CNTNAP2: variants seen among roughly 807,000 people sequenced by gnomAD.
CNTNAP2 encodes contactin-associated protein-like 2.
CNTNAP2 carries 98 observed loss-of-function variants against 155.2 expected under a neutral mutation model. The observed-to-expected ratio is 0.63, with a 90% confidence interval of 0.54 to 0.75. CNTNAP2 has a LOEUF of 0.75. CNTNAP2 is among the 30% of genes least tolerant of loss of function. The probability of loss-of-function intolerance (pLI) is 0.00; values close to 1 mark genes in which losing one functional copy is unlikely to be tolerated. For missense variants in CNTNAP2, 1,727 were observed against 1,688.1 expected (o/e 1.02, Z -0.40); for synonymous variants, 651 against 631.2 (o/e 1.03, Z -0.47).
intron 1 of CNTNAP2, among the ~76,000 whole-genome samples, chr7:146,603,776 A>T (rs1798992131): frequency 6.6e-6 from 1 of 150,822 alleles, no homozygotes; most frequent in African/African-American, 2.4e-5. Flanking sequence ...CCACATAACT[A>T]CAACTATCTG....
chr7:147,368,011 TCTC>T (rs1241374583), intron 9 of CNTNAP2, among the ~76,000 whole-genome samples: 2 of 81,344 alleles, frequency 2.5e-5, no homozygotes, highest in Admixed American at 1.5e-4. Context: ...TGTCTCTCTC[TCTC>T]CCCCCCCTCC....
chr7:147,373,962 A>G (rs1193312514), intron 9 of CNTNAP2, among the ~76,000 whole-genome samples: 1 of 152,066 alleles, frequency 6.6e-6, no homozygotes, highest in Admixed American at 6.6e-5. Context: ...TTATCAGGAA[A>G]AAAAAAGCAA....
chr7:147,579,905 C>A (rs1800466577), intron 12 of CNTNAP2, among the ~76,000 whole-genome samples: 1 of 152,156 alleles, frequency 6.6e-6, no homozygotes, highest in Non-Finnish European at 1.5e-5. Context: ...AGGTACTTTT[C>A]TCCAAAACTA....
At chr7:148,124,067 A>G (rs1699988765) in intron 16 of CNTNAP2, among the ~76,000 whole-genome samples, 1 of 152,124 alleles carries the variant, frequency 6.6e-6, no homozygotes, top group African/African-American at 2.4e-5. Flanking sequence ...GGAGAAAACT[A>G]TGGTAGAGAA....
Position 147,222,031 on chromosome 7 carries a change from C to A in CNTNAP2, c.1349-78110C>A, listed in dbSNP as rs114397138. ...GCTTCTTTCAGGATTTTTTCTTTAC[C>A]TTTAATTTTATATAATTTGAAAATT... On this transcript the variant is annotated intron_variant, in intron 8 of 23. Transcript: ENST00000361727. Among the ~76,000 whole-genome samples, 1,192 of 152,120 alleles carry A rather than the reference C, an allele frequency of 7.8e-3. 13 individuals are homozygous for A. Among genetic ancestry groups the A allele is most frequent in the African/African-American group, 0.027 (1,103 of 41,510 alleles).
At chr7:147,265,960 A>T (rs1804598020) in intron 8 of CNTNAP2, among the ~76,000 whole-genome samples, 1 of 152,212 alleles carries the variant, frequency 6.6e-6, no homozygotes, top group African/African-American at 2.4e-5. Context: ...TCAACAAAAA[A>T]GTCCCCACAA....
intron 13 of CNTNAP2, among the ~76,000 whole-genome samples, chr7:147,725,478 T>A (rs1415018406): frequency 6.6e-6 from 1 of 152,082 alleles, no homozygotes; most frequent in Non-Finnish European, 1.5e-5. Context: ...ATTAAAGCCC[T>A]GCCTTGGGCA....
intron 1 of CNTNAP2, among the ~76,000 whole-genome samples, chr7:146,768,890 C>T (rs1283993996): frequency 6.6e-6 from 1 of 152,162 alleles, no homozygotes; most frequent in East Asian, 1.9e-4. Flanking sequence ...CATTTGAAAA[C>T]CATACTTTTG....
chr7:147,675,344 A>T (rs1290015508), intron 13 of CNTNAP2, among the ~76,000 whole-genome samples: 1 of 152,058 alleles, frequency 6.6e-6, no homozygotes, highest in Non-Finnish European at 1.5e-5. Context: ...CCAACTTTTC[A>T]ATTTCCGAAT....
intron 13 of CNTNAP2, among the ~76,000 whole-genome samples, chr7:147,850,526 A>G (rs1798916057): frequency 1.3e-5 from 2 of 152,228 alleles, no homozygotes; most frequent in African/African-American, 4.8e-5. Flanking sequence ...ATACTACACT[A>G]CAAGGCTACA....
chr7:146,499,587 C>T (rs1440691857), intron 1 of CNTNAP2, among the ~76,000 whole-genome samples: 1 of 151,910 alleles, frequency 6.6e-6, no homozygotes, highest in Admixed American at 6.6e-5. Flanking sequence ...TTATCCCTCC[C>T]CTTCCTCCCC....
At chr7:147,442,436 G>T (rs826642) in intron 10 of CNTNAP2, among the ~76,000 whole-genome samples, 18,698 of 152,134 alleles carry the variant, frequency 0.12, 1,414 homozygotes, top group East Asian at 0.32. Context: ...GAAATGTTTA[G>T]AAATTTCATC....
At chr7:146,395,862 T>C (rs1795619284) in intron 1 of CNTNAP2, among the ~76,000 whole-genome samples, 3 of 150,062 alleles carry the variant, frequency 2.0e-5, no homozygotes, top group African/African-American at 7.4e-5. Flanking sequence ...AGAGATTAGA[T>C]GGACAGGTAT....
chr7:147,690,200 T>G (rs1796068003), intron 13 of CNTNAP2, among the ~76,000 whole-genome samples: 1 of 152,182 alleles, frequency 6.6e-6, no homozygotes, highest in South Asian at 2.1e-4. Flanking sequence ...CTTGCTCGGC[T>G]GGCAGTTTCA....
intron 19 of CNTNAP2, among the ~76,000 whole-genome samples, chr7:148,227,595 G>A (rs1176623489): frequency 6.6e-6 from 1 of 152,108 alleles, no homozygotes; most frequent in South Asian, 2.1e-4. Flanking sequence ...GGACACTGTG[G>A]GTGCCAACAG....
intron 21 of CNTNAP2, among the ~76,000 whole-genome samples, chr7:148,308,169 C>T (rs963204802): frequency 2.0e-5 from 3 of 151,992 alleles, no homozygotes; most frequent in African/African-American, 7.3e-5. Context: ...TTTCCTCCCA[C>T]GCAGTGAATT....
chr7:147,466,975 C>A (rs578105646), intron 10 of CNTNAP2, among the ~76,000 whole-genome samples: 6 of 152,164 alleles, frequency 3.9e-5, no homozygotes, highest in Non-Finnish European at 8.8e-5. Context: ...GGGAGAATAT[C>A]TTTTATTTAA....
chr7:148,364,729 G>C (rs1159934207), intron 21 of CNTNAP2, among the ~76,000 whole-genome samples: 4 of 152,314 alleles, frequency 2.6e-5, no homozygotes, highest in East Asian at 3.9e-4. Context: ...ACAGGCCACA[G>C]GGCTCTACCA....
At chr7:146,920,133 G>T (rs1377209044) in intron 3 of CNTNAP2, among the ~76,000 whole-genome samples, 2 of 152,172 alleles carry the variant, frequency 1.3e-5, no homozygotes, top group East Asian at 3.9e-4. Flanking sequence ...TGAAATACTG[G>T]CCAGGCGTGG....
Sources: allele counts gnomAD v4.1 joint callset (sites outside exome capture counted in the v4.1 genomes callset), GRCh38; gene constraint gnomAD v4.1.1; transcripts MANE v1.5; gene names NCBI Gene and HGNC (gene_info 2026-07-23, HGNC 2026-07-21).